SBK1: variants seen among roughly 807,000 people sequenced by gnomAD.
SBK1 encodes the protein SH3 domain binding kinase 1.
SBK1 carries 11 observed loss-of-function variants against 24.4 expected under a neutral mutation model. The ratio of observed to expected loss-of-function variants is 0.45; its 90% CI spans 0.28 to 0.75. The LOEUF is 0.75. SBK1 is among the 30% of genes least tolerant of loss of function. The probability of loss-of-function intolerance (pLI) is 0.12; values close to 1 mark genes in which losing one functional copy is unlikely to be tolerated. For missense variants in SBK1, 467 were observed against 620.5 expected (o/e 0.75, Z 2.63); for synonymous variants, 308 against 284.4 (o/e 1.08, Z -0.83).
Position 28,317,497 on chromosome 16 carries a change from A to G in SBK1, c.106A>G (p.Met36Val), listed in dbSNP as rs1317174632. The change falls in exon 2 of 4, where the codon ATG becomes GTG. Residue 36 changes from methionine to valine, a missense_variant. Met to Val is a conservative substitution (Grantham distance 21, BLOSUM62 1). Around this residue, in one of 4 missense-constraint regions of SBK1, gnomAD observed 123 missense variants for 158.2 expected, o/e 0.78. Transcript: ENST00000341901. This position sits in a 1 kb window ranked among gnomAD's most constrained non-coding sequence, Gnocchi z 4.2. ...GAGVPLLTED[M>V]QALTLRTLAA... ...CGGTGTGCCCCTTCTCACTGAAGAC[A>G]TGCAGGCCCTGACTCTCCGCACACT... 9 of 1,614,022 alleles carry G rather than the reference A, an allele frequency of 5.6e-6. No individual in the cohort carries two copies. Among genetic ancestry groups the G allele is most frequent in the Non-Finnish European group, 6.8e-6 (8 of 1,180,030 alleles).
intron 1 of SBK1, among the ~76,000 whole-genome samples, chr16:28,301,763 G>A (rs2044681468): frequency 6.6e-6 from 1 of 152,236 alleles, no homozygotes; most frequent in South Asian, 2.1e-4. Context: ...CCTCTGACCA[G>A]CAACTTCTTA....
chr16:28,286,176 C>G (rs1226120936), intron 1 of SBK1: 1 of 152,442 alleles, frequency 6.6e-6, no homozygotes, highest in Non-Finnish European at 1.5e-5. Context: ...TGTTGGACCT[C>G]TTGGTTTTCC....
chr16:28,308,272 C>A (rs533749660), intron 1 of SBK1, among the ~76,000 whole-genome samples: 2 of 152,068 alleles, frequency 1.3e-5, no homozygotes, highest in Admixed American at 6.6e-5. Flanking sequence ...TGCCTCAGCC[C>A]TCTAAATATC....
intron 1 of SBK1, among the ~76,000 whole-genome samples, chr16:28,277,709 G>A (rs892620298): frequency 2.0e-5 from 3 of 152,214 alleles, no homozygotes; most frequent in Non-Finnish European, 4.4e-5. Context: ...CGGGGACCTC[G>A]AGTGGACCAG....
chr16:28,296,945 A>C (rs779575066), intron 1 of SBK1, among the ~76,000 whole-genome samples: 1 of 152,168 alleles, frequency 6.6e-6, no homozygotes, highest in African/African-American at 2.4e-5. Flanking sequence ...TTGTAGCTGT[A>C]AGTTTCTTCC....
chr16:28,281,933 G>C (rs184410731), intron 1 of SBK1, among the ~76,000 whole-genome samples: 184 of 152,224 alleles, frequency 1.2e-3, no homozygotes, highest in Non-Finnish European at 1.5e-3. Context: ...GGGGTAAAAA[G>C]TGGGCTGGAA....
intron 1 of SBK1, among the ~76,000 whole-genome samples, chr16:28,260,195 C>T (rs1403905381): frequency 2.0e-5 from 3 of 151,840 alleles, no homozygotes; most frequent in African/African-American, 2.4e-5. Flanking sequence ...AGCCTGTGTA[C>T]ATGTTTGTGG....
chr16:28,318,893 T>TG (rs773741660), intron 2 of SBK1, 102 bp from the exon 3 acceptor site: 77 of 843,282 alleles, frequency 9.1e-5, no homozygotes, highest in Non-Finnish European at 1.5e-4. Flanking sequence ...TCATGCCTGC[T>TG]GGGGACCCTG....
Position 28,292,651 on chromosome 16 carries a change from C to T in SBK1, c.-657C>T. On this transcript the variant is annotated 5_prime_UTR_variant, in exon 1 of 4. Coordinates refer to ENST00000341901, the MANE Select transcript of SBK1 (RefSeq NM_001024401.3). ...GGGCCGGGAGCGCAGGGCCGGGCTG[C>T]TCGTAGCGGCGGCGACCGAGCCCCC... is the stretch of plus-strand genomic sequence containing the variant. 6.1e-6 allele frequency: 6 copies of T among 983,822 alleles called. No homozygotes were observed. The highest frequency in any genetic ancestry group is 7.2e-6 in the Non-Finnish European group (6 of 829,268). 60.9% of individuals were successfully genotyped at this position (983,822 alleles called of 1,614,324 possible). A position where few individuals can be genotyped will look rare whatever the true frequency, so the allele number is the denominator to read the frequency against.
intron 1 of SBK1, among the ~76,000 whole-genome samples, chr16:28,271,601 G>T (rs1275971487): frequency 1.3e-5 from 2 of 152,106 alleles, no homozygotes; most frequent in Non-Finnish European, 2.9e-5. Context: ...CAGGAAACAG[G>T]AATTGAATGT....
In SBK1 at chr16:28,320,316, C is replaced by G; in HGVS notation, c.670C>G (p.Arg224Gly). ...GGCGCCTGAGGTGTGCCAGGCGGGC[C>G]GCGCCGACGGGCTGGCGGTGGACAC... ...YTAPEVCQAG[R>G]ADGLAVDTGV... Residue 224 changes from arginine to glycine, a missense_variant, in exon 4 of 4, where the codon CGC (arginine) becomes GGC (glycine). Arg to Gly is a moderately radical substitution (Grantham distance 125). Transcript: ENST00000341901. The surrounding 1 kb of genome is among the most constrained non-coding windows in gnomAD (Gnocchi z 8.5). The G allele has an allele frequency of 6.3e-7, 1 of 1,591,734 alleles. No individual in the cohort carries two copies. The highest frequency in any genetic ancestry group is 8.5e-7 in the Non-Finnish European group (1 of 1,175,362).
At chr16:28,297,719 G>C (rs1211786183) in intron 1 of SBK1, among the ~76,000 whole-genome samples, 1 of 152,198 alleles carries the variant, frequency 6.6e-6, no homozygotes, top group Non-Finnish European at 1.5e-5. Context: ...TATCAAAAAT[G>C]CTCACTAACT....
upstream of SBK1, among the ~76,000 whole-genome samples, chr16:28,292,334 G>T (rs1054753608): frequency 6.9e-6 from 1 of 145,798 alleles, no homozygotes; most frequent in Non-Finnish European, 1.5e-5. Flanking sequence ...GGAAGGGGGT[G>T]GGGGCGCCGC....
At chr16:28,288,274 G>A (rs751412766), upstream of SBK1, among the ~76,000 whole-genome samples, 2 of 152,194 alleles carry the variant, frequency 1.3e-5, no homozygotes, top group African/African-American at 2.4e-5. Flanking sequence ...GGATCAGCTC[G>A]TGGGAAGCAA....
chr16:28,319,019 T>C lies in SBK1; in HGVS notation c.251T>C (p.Val84Ala), dbSNP rs371601617. The C allele has an allele frequency of 1.3e-5, 21 of 1,614,014 alleles. No homozygotes were observed. Among genetic ancestry groups the C allele is most frequent in the Non-Finnish European group, 1.7e-5 (20 of 1,180,030 alleles). The stretch of plus-strand genomic sequence containing the variant: ...GGCACAAAAATGGCACTGAAGTTTG[T>C]GAACAAGAGCAAAACCAAGCTGAAG... ...GTGTKMALKF[V>A]NKSKTKLKNF... The change falls in exon 3 of 4, where the codon GTG becomes GCG. Residue 84 changes from valine (V) to alanine (A), a missense_variant. Val to Ala is a moderately conservative substitution (Grantham distance 64). Transcript: ENST00000341901. This position sits in a 1 kb window ranked among gnomAD's most constrained non-coding sequence, Gnocchi z 4.0.
chr16:28,292,832 G>T lies in SBK1; in HGVS notation c.-476G>T. The T allele has an allele frequency of 1.0e-6, 1 of 985,110 alleles. No individual in the cohort carries two copies. The highest frequency in any genetic ancestry group is 1.2e-6 in the Non-Finnish European group (1 of 829,590). 61.0% of individuals were successfully genotyped at this position (985,110 alleles called of 1,614,324 possible). On this transcript the variant is annotated 5_prime_UTR_variant, in exon 1 of 4. Coordinates refer to ENST00000341901, the MANE Select transcript of SBK1 (RefSeq NM_001024401.3). Reference sequence around the variant, plus strand: ...GGATCCGACACCGAGCGACTCCCCTGCGGGGAAAGCGGAGACTTCCTCGGT... The same window carrying T: ...GGATCCGACACCGAGCGACTCCCCTTCGGGGAAAGCGGAGACTTCCTCGGT...
chr16:28,265,478 G>C (rs961357878), intron 1 of SBK1, among the ~76,000 whole-genome samples: 2 of 151,614 alleles, frequency 1.3e-5, no homozygotes, highest in Admixed American at 1.3e-4. Flanking sequence ...CTAGCTACTT[G>C]GGAGGAGGCT....
At chr16:28,290,085 CAAA>C (rs34970334), upstream of SBK1, among the ~76,000 whole-genome samples, 14 of 102,632 alleles carry the variant, frequency 1.4e-4, no homozygotes, top group Admixed American at 1.1e-4. Flanking sequence ...GACCCTGTCT[CAAA>C]AAAAAAAAAA....
intron 1 of SBK1, among the ~76,000 whole-genome samples, chr16:28,315,490 G>C (rs1307162119): frequency 2.6e-5 from 4 of 152,186 alleles, no homozygotes; most frequent in Non-Finnish European, 5.9e-5. Context: ...TAGCCCAAGT[G>C]GTGGCTCACG....
Sources: gnomAD v4.1 joint callset for allele counts (sites outside exome capture counted in the v4.1 genomes callset) on GRCh38, gnomAD v4.1.1 for gene constraint, gnomAD v4.1.1 regional missense constraint, Gnocchi (gnomAD v3.1) non-coding constraint, MANE v1.5 for transcripts, NCBI Gene and HGNC (gene_info 2026-07-23, HGNC 2026-07-21) for gene names.